Variants in NDRG4 observed in about 807,000 individuals in gnomAD.
NDRG4 encodes protein NDRG4.
Under a neutral mutation model 55.8 loss-of-function variants are expected in NDRG4, and 38 were observed. The observed-to-expected ratio is 0.68, with a 90% CI of 0.53 to 0.89. The LOEUF (loss-of-function observed/expected upper bound fraction) is 0.89, where lower values mean the gene tolerates loss of function less well. NDRG4 is among the 40% of genes least tolerant of loss of function. The probability of loss-of-function intolerance (pLI) is 0.00; values close to 1 mark genes in which losing one functional copy is unlikely to be tolerated. For missense variants in NDRG4, 455 were observed against 468.6 expected (o/e 0.97, Z 0.27); for synonymous variants, 190 against 182.7 (o/e 1.04, Z -0.32).
upstream of NDRG4, chr16:58,495,364 CTTTGT>C (rs1178099749): frequency 4.3e-6 from 1 of 234,366 alleles, no homozygotes; most frequent in Non-Finnish European, 8.6e-6. Context: ...TGAAAGCGCC[CTTTGT>C]TTTTATTCCT....
At chr16:58,468,917 G>T (rs141023436) in intron 1 of NDRG4, among the ~76,000 whole-genome samples, 23 of 152,226 alleles carry the variant, frequency 1.5e-4, no homozygotes, top group African/African-American at 5.1e-4. Flanking sequence ...TTGTTTCTGC[G>T]CATTGGCACT....
intron 1 of NDRG4, among the ~76,000 whole-genome samples, chr16:58,481,645 C>A (rs1014167905): frequency 9.9e-5 from 15 of 152,142 alleles, no homozygotes. Flanking sequence ...CTGCCACCCA[C>A]CCGGGGAGGC....
chr16:58,511,236 CCACT>C (rs957773640), intron 14 of NDRG4, 182 bp from the exon 15 acceptor site: 2 of 659,060 alleles, frequency 3.0e-6, no homozygotes, highest in South Asian at 1.8e-5. Flanking sequence ...CCCCCTAGGC[CCACT>C]CACTGTCGCC....
intron 2 of NDRG4, among the ~76,000 whole-genome samples, chr16:58,489,980 G>A (rs1319191052): frequency 6.6e-6 from 1 of 152,080 alleles, no homozygotes; most frequent in Non-Finnish European, 1.5e-5. Flanking sequence ...GAGTAGCGAG[G>A]ATCTTAGGCA....
rs934604153 is a variant in NDRG4, at chr16:58,464,635, G to A, written c.-24+838G>A. 9.2e-5 allele frequency: 86 copies of A among 930,182 alleles called. No homozygotes were observed. Among genetic ancestry groups the A allele is most frequent in the Non-Finnish European group, 1.2e-4 (84 of 699,924 alleles). The allele number at this position is 930,182 out of a possible 1,614,324, so 57.6% of individuals were successfully genotyped here. On this transcript the variant is annotated intron_variant, in intron 1 of 15. Transcript: ENST00000258187. This position sits in a 1 kb window ranked among gnomAD's most constrained non-coding sequence, Gnocchi z 4.8. ...TTGTGTGCGGAGCCCAGCCCCGGGAGAGGACTTGAGGTTGTGGCGAGTCCC... is the reference window on the plus strand; with the variant it reads ...TTGTGTGCGGAGCCCAGCCCCGGGAAAGGACTTGAGGTTGTGGCGAGTCCC...
chr16:58,491,454 A>AT (rs2035779212), intron 2 of NDRG4, among the ~76,000 whole-genome samples: 1 of 56,726 alleles, frequency 1.8e-5, no homozygotes, highest in Non-Finnish European at 3.6e-5. Flanking sequence ...CATCCTTTTC[A>AT]CTTTTTTTTT....
intron 1 of NDRG4, among the ~76,000 whole-genome samples, chr16:58,482,360 C>G (rs1712999800): frequency 6.6e-6 from 1 of 152,178 alleles, no homozygotes; most frequent in Admixed American, 6.5e-5. Context: ...TCTTCCTGTC[C>G]CGCAGGCCTG....
Position 58,508,990 on chromosome 16 carries a change from C to T in NDRG4, c.758C>T (p.Thr253Ile). 6.2e-7 allele frequency: 1 copy of T among 1,614,102 alleles called. No homozygotes were observed. The highest frequency in any genetic ancestry group is 8.5e-7 in the Non-Finnish European group (1 of 1,180,014). ...VVECNSKLDP[T>I]TTTFLKMADS... is the part of the protein sequence containing the mutation. ...GAGTGCAACTCCAAACTGGACCCGA[C>T]CACTACGACCTTCCTGAAGGTGAGG... Residue 253 changes from threonine to isoleucine, a missense_variant, in exon 11 of 15, where the codon ACC (threonine) becomes ATC (isoleucine). By Grantham distance (89) the Thr-to-Ile change is moderately conservative. Transcript: ENST00000570248.
chr16:58,510,976 C>T (rs2038727128), intron 14 of NDRG4: 3 of 543,240 alleles, frequency 5.5e-6, no homozygotes, highest in Non-Finnish European at 9.9e-6. Context: ...CTGGCCCTGC[C>T]TGAGCCACAT....
chr16:58,486,820 G>C (rs372942821), intron 1 of NDRG4, among the ~76,000 whole-genome samples: 1 of 151,836 alleles, frequency 6.6e-6, no homozygotes, highest in African/African-American at 2.4e-5. Flanking sequence ...ATTAGGGCCC[G>C]GGCCCACCCT....
At chr16:58,474,538 CCT>C (rs908516919) in intron 1 of NDRG4, among the ~76,000 whole-genome samples, 1 of 152,030 alleles carries the variant, frequency 6.6e-6, no homozygotes, top group Admixed American at 6.6e-5. Context: ...GTTTCACATC[CCT>C]CTCTCTCCCC....
intron 10 of NDRG4, among the ~76,000 whole-genome samples, 166 bp downstream of exon 10, chr16:58,508,165 A>T (rs772302335): frequency 6.6e-6 from 1 of 152,156 alleles, no homozygotes; most frequent in Non-Finnish European, 1.5e-5. Flanking sequence ...CAAGCCTCAC[A>T]TCTGGCATAG....
At chr16:58,470,907 CA>C (rs58487534) in intron 1 of NDRG4, among the ~76,000 whole-genome samples, 20 of 133,056 alleles carry the variant, frequency 1.5e-4, no homozygotes, top group South Asian at 6.8e-4. Flanking sequence ...ACACCATCTC[CA>C]AAAAAAAAAA....
intron 1 of NDRG4, among the ~76,000 whole-genome samples, chr16:58,465,897 C>G (rs915202352): frequency 6.6e-6 from 1 of 152,212 alleles, no homozygotes; most frequent in African/African-American, 2.4e-5. Flanking sequence ...CCCTTGCCAA[C>G]TTTTTCTTTG....
rs1307678794 is a variant in NDRG4, at chr16:58,513,299, C to G, written c.*1723C>G. On this transcript the variant is annotated 3_prime_UTR_variant, in exon 15 of 15. Coordinates refer to ENST00000570248, the MANE Select transcript of NDRG4 (RefSeq NM_001242835.2). ...TTTCTTCTCCGCACAAAGTAAAGAG[C>G]CTAATTTTGTGTATTCTGGTGGCTG... 1 of 151,960 alleles carries G rather than the reference C, an allele frequency of 6.6e-6. No homozygotes were observed. Among genetic ancestry groups the G allele is most frequent in the Non-Finnish European group, 1.5e-5 (1 of 67,996 alleles). 9.4% of individuals were successfully genotyped at this position (151,960 alleles called of 1,614,324 possible). A position where few individuals can be genotyped will look rare whatever the true frequency, so the allele number is the denominator to read the frequency against.
In NDRG4 at chr16:58,507,005, A is replaced by G. The variant is rs1357803034; in HGVS notation, c.610A>G (p.Met204Val). 2 of 1,613,430 alleles carry G rather than the reference A, an allele frequency of 1.2e-6. No individual in the cohort carries two copies. Among genetic ancestry groups the G allele is most frequent in the East Asian group, 4.5e-5 (2 of 44,856 alleles). Residue 204 changes from methionine to valine, a missense_variant, in exon 8 of 15, where the codon ATG becomes GTG. By Grantham distance (21) the Met-to-Val change is conservative (BLOSUM62 1). Transcript: ENST00000570248. ...NQANLQLFWN[M>V]YNSRRDLDIN... is the part of the protein sequence containing the mutation. ...GGCCAACCTGCAGCTCTTCTGGAAC[A>G]TGTACAACAGGTGCGGGTGGGATCA... is the stretch of plus-strand genomic sequence containing the variant.
At chr16:58,469,293 T>C (rs1354700488) in intron 1 of NDRG4, among the ~76,000 whole-genome samples, 2 of 151,692 alleles carry the variant, frequency 1.3e-5, no homozygotes, top group Non-Finnish European at 2.9e-5. Context: ...GTGATGTTGA[T>C]GTGGGGGCAC....
downstream of NDRG4, among the ~76,000 whole-genome samples, chr16:58,515,182 C>A (rs1232727428): frequency 1.3e-5 from 2 of 152,202 alleles, no homozygotes; most frequent in Non-Finnish European, 2.9e-5. Flanking sequence ...CGCTCACCAC[C>A]GGCCGGCCAC....
chr16:58,506,146 G>C (rs2037950580), intron 5 of NDRG4: 1 of 636,098 alleles, frequency 1.6e-6, no homozygotes. Context: ...GTGTGTGTGT[G>C]TGTGTGTGTG....
Sources: allele counts gnomAD v4.1 joint callset (sites outside exome capture counted in the v4.1 genomes callset), GRCh38; gene constraint gnomAD v4.1.1; non-coding constraint Gnocchi (gnomAD v3.1); transcripts MANE v1.5; gene names NCBI Gene and HGNC (gene_info 2026-07-23, HGNC 2026-07-21).